Variants in DGKH observed in about 807,000 individuals in gnomAD.
DGKH encodes the protein DAG kinase eta.
A neutral mutation model predicts 159.3 loss-of-function variants in DGKH; 90 were observed. The ratio of observed to expected loss-of-function variants is 0.57; its 90% CI spans 0.48 to 0.67. The LOEUF (loss-of-function observed/expected upper bound fraction) is 0.67. DGKH is among the 30% of genes least tolerant of loss of function. The probability of loss-of-function intolerance (pLI) is 0.00; values close to 1 mark genes in which losing one functional copy is unlikely to be tolerated. For missense variants in DGKH, 1,181 were observed against 1,506.1 expected (o/e 0.78, Z 3.57); for synonymous variants, 536 against 553.8 (o/e 0.97, Z 0.45).
At chr13:42,195,184 A>G (rs577553910) in intron 17 of DGKH, among the ~76,000 whole-genome samples, 168 bp downstream of exon 17, 1 of 152,278 alleles carries the variant, frequency 6.6e-6, no homozygotes, top group South Asian at 2.1e-4. Context: ...TTCCCTGTGT[A>G]ACAGTTGCCT....
At chr13:42,079,451 C>T (rs1954160393) in intron 1 of DGKH, among the ~76,000 whole-genome samples, 1 of 152,046 alleles carries the variant, frequency 6.6e-6, no homozygotes, top group Non-Finnish European at 1.5e-5. Context: ...TCATCCATTC[C>T]CCTCCTACCC....
At chr13:42,091,578 T>C (rs1363211593) in intron 1 of DGKH, among the ~76,000 whole-genome samples, 1 of 152,040 alleles carries the variant, frequency 6.6e-6, no homozygotes, top group Non-Finnish European at 1.5e-5. Flanking sequence ...AATAGATAAA[T>C]GGTATTACAT....
intron 20 of DGKH, among the ~76,000 whole-genome samples, chr13:42,204,773 A>G (rs1957423783): frequency 6.6e-6 from 1 of 152,184 alleles, no homozygotes; most frequent in Non-Finnish European, 1.5e-5. Flanking sequence ...GCTAACTTGG[A>G]GAATCAGAAC....
At chr13:42,172,457 A>G (rs1055281336) in intron 11 of DGKH, among the ~76,000 whole-genome samples, 3 of 152,206 alleles carry the variant, frequency 2.0e-5, no homozygotes, top group Non-Finnish European at 4.4e-5. Context: ...GTCCCAAAAT[A>G]TAATGTATGT....
intron 1 of DGKH, among the ~76,000 whole-genome samples, chr13:42,042,047 C>T (rs527871556): frequency 2.0e-5 from 3 of 152,196 alleles, no homozygotes; most frequent in Non-Finnish European, 4.4e-5. Flanking sequence ...TGATTCCTGA[C>T]CTTTCAGAAG....
intron 1 of DGKH, among the ~76,000 whole-genome samples, chr13:42,119,722 A>G (rs925024592): frequency 3.3e-5 from 5 of 152,146 alleles, no homozygotes; most frequent in African/African-American, 1.2e-4. Flanking sequence ...TATCTTAATC[A>G]TTTCTAAATG....
chr13:42,200,120 T>C (rs1260217258), intron 20 of DGKH, among the ~76,000 whole-genome samples: 2 of 152,178 alleles, frequency 1.3e-5, no homozygotes, highest in Non-Finnish European at 2.9e-5. Flanking sequence ...TCTCCTGAAA[T>C]TGGGGCTACT....
chr13:42,093,244 C>CA (rs111570773), intron 1 of DGKH, among the ~76,000 whole-genome samples: 1,135 of 95,076 alleles, frequency 0.012, 8 homozygotes, highest in African/African-American at 0.023. Context: ...ACTCTGTCTC[C>CA]AAAAAAAAAA....
chr13:42,180,463 T>A (rs541999490), intron 13 of DGKH, among the ~76,000 whole-genome samples: 1 of 152,372 alleles, frequency 6.6e-6, no homozygotes, highest in South Asian at 2.1e-4. Context: ...CTCATGGAAC[T>A]GCTAGGATAA....
At chr13:42,163,489 G>A (rs1450248762) in intron 7 of DGKH, among the ~76,000 whole-genome samples, 1 of 152,050 alleles carries the variant, frequency 6.6e-6, no homozygotes, top group Admixed American at 6.6e-5. Context: ...CAGTGTAAAA[G>A]TGTTCCTATT....
intron 1 of DGKH, among the ~76,000 whole-genome samples, chr13:42,124,132 G>A (rs1336415970): frequency 1.3e-5 from 2 of 151,852 alleles, no homozygotes; most frequent in Non-Finnish European, 2.9e-5. Context: ...TTTATTTCAG[G>A]GGTAAATTCT....
At chr13:42,142,787 A>G (rs972757327) in intron 3 of DGKH, among the ~76,000 whole-genome samples, 2 of 152,150 alleles carry the variant, frequency 1.3e-5, no homozygotes, top group Admixed American at 6.5e-5. Context: ...CACCTTAAGG[A>G]GATTTTGGGC....
chr13:42,054,587 G>C (rs1210682299), intron 1 of DGKH, among the ~76,000 whole-genome samples: 1 of 152,166 alleles, frequency 6.6e-6, no homozygotes, highest in East Asian at 1.9e-4. Context: ...TACTAAGAAG[G>C]GGAGGGTGCT....
chr13:42,106,455 A>G (rs1020975729), intron 1 of DGKH, among the ~76,000 whole-genome samples: 6 of 152,336 alleles, frequency 3.9e-5, no homozygotes, highest in African/African-American at 1.2e-4. Context: ...AGCAGCATAG[A>G]CAATGAGAGT....
At position 42,209,402 on chromosome 13, in the gene DGKH, T is replaced by A. The variant is rs548611843; in HGVS notation, c.2787T>A (p.Val929=). Residue 929 remains valine (V), a synonymous_variant, in exon 23 of 30, where the codon GTT becomes GTA. Coordinates refer to ENST00000337343, the MANE Select transcript of DGKH (RefSeq NM_178009.5). ...VPVQVDGEAW[V]QPPGIIKIVH... is the part of the protein sequence containing the mutation. Reference sequence around the variant, plus strand: ...TGCAAGTGGATGGTGAAGCGTGGGTTCAGCCTCCAGGGATTATCAAAATTG... The same window carrying A: ...TGCAAGTGGATGGTGAAGCGTGGGTACAGCCTCCAGGGATTATCAAAATTG... 18 of 1,613,710 alleles carry A rather than the reference T, an allele frequency of 1.1e-5. No individual in the cohort carries two copies. In the East Asian group the frequency reaches 4.0e-4, roughly 36 times the overall value.
intron 1 of DGKH, among the ~76,000 whole-genome samples, chr13:42,077,430 TATTG>T (rs1017258233): frequency 2.0e-5 from 3 of 152,180 alleles, no homozygotes; most frequent in Non-Finnish European, 2.9e-5. Flanking sequence ...GAAGCTTTAC[TATTG>T]ATTATTACTG....
intron 21 of DGKH, among the ~76,000 whole-genome samples, 162 bp downstream of exon 21, chr13:42,206,308 A>G (rs1460522216): frequency 3.3e-5 from 5 of 152,128 alleles, no homozygotes; most frequent in African/African-American, 1.2e-4. Context: ...TTTTATTGTA[A>G]CAGTCTCTTG....
chr13:42,195,098 C>T, intron 17 of DGKH, 82 bp downstream of exon 17: 3 of 1,499,064 alleles, frequency 2.0e-6, no homozygotes, highest in Non-Finnish European at 2.7e-6. Context: ...ACTGTGGAAA[C>T]ATGTTCTTAA....
chr13:42,138,189 C>G, intron 3 of DGKH: 1 of 816,046 alleles, frequency 1.2e-6, no homozygotes, highest in South Asian at 5.6e-5. Context: ...ATATGGAATT[C>G]AGGGCTCTCA....
Sources: gnomAD v4.1 joint callset for allele counts (sites outside exome capture counted in the v4.1 genomes callset) on GRCh38, gnomAD v4.1.1 for gene constraint, MANE v1.5 for transcripts, NCBI Gene and HGNC (gene_info 2026-07-23, HGNC 2026-07-21) for gene names.